DENND10: variants seen among roughly 807,000 people sequenced by gnomAD.
DENND10 encodes DENN domain-containing protein 10.
Under a neutral mutation model 43.6 loss-of-function variants are expected in DENND10, and 24 were observed. That is an observed-to-expected ratio of 0.55 (90% CI 0.40 to 0.77). DENND10 has a LOEUF of 0.77. Ranked by LOEUF, DENND10 falls within the 30% of genes least tolerant of loss-of-function variation. The pLI, the probability that DENND10 is intolerant of heterozygous loss-of-function variation, is 0.00. For synonymous variants in DENND10, 125 were observed against 157.6 expected, an observed-to-expected ratio of 0.79 and a Z score of 1.55; for missense variants, 303 against 429.9, an observed-to-expected ratio of 0.70 and a Z score of 2.61.
chr10:119,117,791 C>T (rs2133484139), intron 4 of DENND10, 124 bp downstream of exon 4: 1 of 900,882 alleles, frequency 1.1e-6, no homozygotes, highest in Non-Finnish European at 1.6e-6. Flanking sequence ...CATGGTGAAA[C>T]CTCGTCTCCA....
rs957575221 is a variant in DENND10, at chr10:119,136,768, T to C, written c.*121T>C. ...CTGTTATATCTTTTTAATGATTTAT[T>C]TGCAAGTATTGAGATTTGACCTGAA... is the stretch of plus-strand genomic sequence containing the variant. On this transcript the variant is annotated 3_prime_UTR_variant, in exon 9 of 9. Transcript: ENST00000361432. 13 of 559,316 alleles carry C rather than the reference T, an allele frequency of 2.3e-5. No individual in the cohort carries two copies. Among genetic ancestry groups the C allele is most frequent in the Non-Finnish European group, 4.1e-5 (13 of 319,960 alleles). The allele number at this position is 559,316 out of a possible 1,614,324, so 34.6% of individuals were successfully genotyped here. A position where few individuals can be genotyped will look rare whatever the true frequency, so the allele number is the denominator to read the frequency against.
chr10:119,129,567 T>C lies in DENND10; in HGVS notation c.747T>C (p.Tyr249=), dbSNP rs1311362038. Residue 249 remains tyrosine (Y), a synonymous_variant, in exon 7 of 9, where the codon TAT becomes TAC. Coordinates refer to ENST00000361432, the MANE Select transcript of DENND10 (RefSeq NM_207009.4). The part of the protein sequence containing the change: ...DLEVSNRPDL[Y]DVFVNLAESE... ...AGGTGAGCAACAGACCAGACCTCTATGATGTGTTTGTGAATCTGGCAGAGA... is the reference window on the plus strand; with the variant it reads ...AGGTGAGCAACAGACCAGACCTCTACGATGTGTTTGTGAATCTGGCAGAGA... 5 of 1,614,016 alleles carry C rather than the reference T, an allele frequency of 3.1e-6. No individual in the cohort carries two copies. The highest frequency in any genetic ancestry group is 2.2e-5 in the South Asian group (2 of 91,084).
At position 119,104,127 on chromosome 10, in the gene DENND10, G is replaced by C; in HGVS notation, c.-16G>C. The C allele has an allele frequency of 2.7e-6, 4 of 1,502,780 alleles. No individual in the cohort carries two copies. The highest frequency in any genetic ancestry group is 3.6e-6 in the Non-Finnish European group (4 of 1,126,178). 93.1% of individuals were successfully genotyped at this position (1,502,780 alleles called of 1,614,324 possible). A position where few individuals can be genotyped will look rare whatever the true frequency, so the allele number is the denominator to read the frequency against. On this transcript the variant is annotated 5_prime_UTR_variant, in exon 1 of 9. Coordinates refer to ENST00000361432, the MANE Select transcript of DENND10 (RefSeq NM_207009.4). ...CTGCAGGCGGCAGCCAGAGCTGCGCGCCGCGGCGGCGGAAGATGGCTGCGG... is the reference window on the plus strand; with the variant it reads ...CTGCAGGCGGCAGCCAGAGCTGCGCCCCGCGGCGGCGGAAGATGGCTGCGG...
chr10:119,117,728 G>A (rs991474027), intron 4 of DENND10, 61 bp downstream of exon 4: 2 of 1,561,216 alleles, frequency 1.3e-6, no homozygotes, highest in Admixed American at 1.8e-5. Flanking sequence ...AACACTTTGG[G>A]AGGCCAAGGC....
intron 6 of DENND10, among the ~76,000 whole-genome samples, chr10:119,126,168 T>G (rs1349824905): frequency 6.6e-6 from 1 of 152,202 alleles, no homozygotes; most frequent in Non-Finnish European, 1.5e-5. Context: ...TATTCCACTG[T>G]GTATATGCAC....
At chr10:119,124,430 A>C (rs1845734212) in intron 6 of DENND10, among the ~76,000 whole-genome samples, 1 of 150,694 alleles carries the variant, frequency 6.6e-6, no homozygotes, top group Non-Finnish European at 1.5e-5. Context: ...AGTCCCAGCT[A>C]CTCGGGAGGC....
intron 3 of DENND10, among the ~76,000 whole-genome samples, chr10:119,116,879 C>T (rs1049324357): frequency 2.6e-5 from 4 of 151,062 alleles, no homozygotes; most frequent in Admixed American, 2.0e-4. Flanking sequence ...GAGGTTTTGC[C>T]ATGTTGGCCA....
chr10:119,123,625 CT>C (rs1845689346), intron 6 of DENND10, 56 bp downstream of exon 6: 2 of 1,075,484 alleles, frequency 1.9e-6, no homozygotes, highest in East Asian at 5.2e-5. Flanking sequence ...TTTTTTTTTC[CT>C]GAGACGGATT....
chr10:119,125,496 G>GCTTT (rs1564795181), intron 6 of DENND10, among the ~76,000 whole-genome samples: 1 of 116,226 alleles, frequency 8.6e-6, no homozygotes, highest in African/African-American at 3.2e-5. Flanking sequence ...TCCACTTCTA[G>GCTTT]TTTTCTTTTT....
rs1014243611 is a variant in DENND10, at chr10:119,105,601, A to G, written c.55+1404A>G. On this transcript the variant is annotated intron_variant, in intron 1 of 8. Coordinates refer to ENST00000361432, the MANE Select transcript of DENND10 (RefSeq NM_207009.4). Reference sequence around the variant, plus strand: ...TACTTTTGAACTAAGGCTAAGTTAAACTGTCTTTATCTACTAATAGCAAAT... The same window carrying G: ...TACTTTTGAACTAAGGCTAAGTTAAGCTGTCTTTATCTACTAATAGCAAAT... 5.2e-6 allele frequency: 4 copies of G among 763,432 alleles called. No individual in the cohort carries two copies. The African/African-American group carries it at 7.5e-5, about 14-fold the overall frequency. The allele number at this position is 763,432 out of a possible 1,614,324, so 47.3% of individuals were successfully genotyped here.
rs1564793041 is a variant in DENND10, at chr10:119,123,509, A to G, written c.634A>G (p.Ile212Val). Residue 212 changes from isoleucine (I) to valine (V), a missense_variant, in exon 6 of 9, where the codon ATC becomes GTC. Ile to Val is a conservative substitution (Grantham distance 29). Transcript: ENST00000361432. ...ALVWHRQDWT[I>V]LHSYVHLNAD... is the part of the protein sequence containing the mutation. ...GGTGTGGCACCGACAGGACTGGACC[A>G]TCCTTCACTCTTACGTGCACCTCAA... is the stretch of plus-strand genomic sequence containing the variant. The G allele has an allele frequency of 6.2e-7, 1 of 1,613,624 alleles. No homozygotes were observed. The highest frequency in any genetic ancestry group is 1.1e-5 in the South Asian group (1 of 91,072).
intron 4 of DENND10, among the ~76,000 whole-genome samples, chr10:119,117,927 A>T (rs879539993): frequency 6.6e-6 from 1 of 152,082 alleles, no homozygotes; most frequent in Non-Finnish European, 1.5e-5. Context: ...AGATTGTGCC[A>T]CTGCACTCCG....
chr10:119,130,828 C>T (rs1322986050), intron 7 of DENND10, among the ~76,000 whole-genome samples: 1 of 152,144 alleles, frequency 6.6e-6, no homozygotes, highest in Non-Finnish European at 1.5e-5. Flanking sequence ...TGACAGCTGG[C>T]TCCCCAGGAG....
Position 119,136,903 on chromosome 10 carries a change from A to C in DENND10, c.*256A>C. 5.4e-6 allele frequency: 2 copies of C among 371,850 alleles called. No homozygotes were observed. Among genetic ancestry groups the C allele is most frequent in the South Asian group, 9.5e-5 (2 of 21,038 alleles). 23.0% of individuals were successfully genotyped at this position (371,850 alleles called of 1,614,324 possible). A position where few individuals can be genotyped will look rare whatever the true frequency, so the allele number is the denominator to read the frequency against. Reference sequence around the variant, plus strand: ...TAACTACTTTATGTAACATTACAGAACAGCTAGAGGTCCTGGGGTAAGAGA... The same window carrying C: ...TAACTACTTTATGTAACATTACAGACCAGCTAGAGGTCCTGGGGTAAGAGA... On this transcript the variant is annotated 3_prime_UTR_variant, in exon 9 of 9. Transcript: ENST00000361432.
intron 5 of DENND10, among the ~76,000 whole-genome samples, chr10:119,121,242 A>AT (rs1271037219): frequency 3.9e-5 from 6 of 151,914 alleles, no homozygotes; most frequent in Non-Finnish European, 8.8e-5. Flanking sequence ...ATTTTTAAAG[A>AT]TTTTTTGTTT....
At chr10:119,125,445 C>T (rs893933612) in intron 6 of DENND10, among the ~76,000 whole-genome samples, 1 of 151,082 alleles carries the variant, frequency 6.6e-6, no homozygotes, top group Non-Finnish European at 1.5e-5. Context: ...TATCCATCAC[C>T]TCAAGCATTT....
intron 3 of DENND10, among the ~76,000 whole-genome samples, chr10:119,115,592 T>C (rs892181079): frequency 3.4e-4 from 49 of 142,618 alleles, no homozygotes; most frequent in African/African-American, 1.2e-3. Flanking sequence ...GGTTTCACCG[T>C]TTTAGCCGGG....
intron 6 of DENND10, among the ~76,000 whole-genome samples, chr10:119,127,150 C>G (rs1013933889): frequency 6.6e-6 from 1 of 151,400 alleles, no homozygotes; most frequent in Non-Finnish European, 1.5e-5. Context: ...ACAGTCCTCC[C>G]GCCTTGGCCT....
intron 1 of DENND10, 73 bp downstream of exon 1, chr10:119,104,270 C>T: frequency 2.2e-6 from 3 of 1,388,394 alleles, no homozygotes; most frequent in South Asian, 1.4e-5. Flanking sequence ...CCCGGGGCAG[C>T]CCGGGCTCCC....
Sources: allele counts gnomAD v4.1 joint callset (sites outside exome capture counted in the v4.1 genomes callset), GRCh38; gene constraint gnomAD v4.1.1; transcripts MANE v1.5; gene names NCBI Gene and HGNC (gene_info 2026-07-23, HGNC 2026-07-21).